CEP83: variants seen among roughly 807,000 people sequenced by gnomAD.
The protein encoded by CEP83 is centrosomal protein of 83 kDa.
In CEP83, 70 loss-of-function variants were observed where a neutral mutation model predicts 101.9. The ratio of observed to expected loss-of-function variants is 0.69; its 90% CI spans 0.57 to 0.84. The LOEUF is 0.84. Among genes scored for constraint, CEP83 ranks in the 40% least tolerant of loss-of-function variants. The pLI is 0.00. For synonymous variants in CEP83, 264 were observed against 267.9 expected, an observed-to-expected ratio of 0.99 and a Z score of 0.14; for missense variants, 715 against 787.2, an observed-to-expected ratio of 0.91 and a Z score of 1.10.
chr12:94,330,482 T>C (rs898941361), intron 14 of CEP83, among the ~76,000 whole-genome samples: 5 of 152,220 alleles, frequency 3.3e-5, no homozygotes, highest in African/African-American at 9.6e-5. Context: ...ATTTCCATGA[T>C]GCCCTGGATT....
chr12:94,375,053 G>A (rs570894413), intron 8 of CEP83, among the ~76,000 whole-genome samples: 21 of 152,148 alleles, frequency 1.4e-4, no homozygotes, highest in African/African-American at 4.3e-4. Context: ...ACTATGTGCC[G>A]GCACCATTCT....
At chr12:94,436,384 T>C (rs1217525025) in intron 1 of CEP83, among the ~76,000 whole-genome samples, 4 of 150,330 alleles carry the variant, frequency 2.7e-5, no homozygotes, top group Non-Finnish European at 5.9e-5. Flanking sequence ...ATATACATCA[T>C]AAAAAAAAGA....
intron 8 of CEP83, among the ~76,000 whole-genome samples, chr12:94,374,129 C>G (rs2061419288): frequency 6.6e-6 from 1 of 151,960 alleles, no homozygotes; most frequent in Non-Finnish European, 1.5e-5. Flanking sequence ...TAGGAGAAAT[C>G]ACCTAGGCTC....
chr12:94,353,732 GA>G (rs35963595), intron 11 of CEP83, among the ~76,000 whole-genome samples: 36,080 of 134,142 alleles, frequency 0.27, 4,436 homozygotes, highest in Admixed American at 0.32. Flanking sequence ...CGAAGTGGGG[GA>G]AAAAAAAAAA....
chr12:94,424,453 C>G (rs778011736), intron 2 of CEP83: 99 of 1,613,908 alleles, frequency 6.1e-5, no homozygotes, highest in Non-Finnish European at 8.1e-5. Flanking sequence ...CTCTGCTGGT[C>G]CCACTGGTAT....
At position 94,312,907 on chromosome 12, in the gene CEP83, A is replaced by C. The variant is rs1970090492; in HGVS notation, c.1811+7T>G. The C allele has an allele frequency of 1.4e-6, 2 of 1,460,502 alleles. No individual in the cohort carries two copies. Among genetic ancestry groups the C allele is most frequent in the Non-Finnish European group, 1.9e-6 (2 of 1,050,996 alleles). 90.5% of individuals were successfully genotyped at this position (1,460,502 alleles called of 1,614,324 possible). A position where few individuals can be genotyped will look rare whatever the true frequency, so the allele number is the denominator to read the frequency against. Reference sequence around the variant, plus strand: ...ACATGGGGAAGATACACATACAAACACATTACCTATTTAAGACCTGATTTT... The same window carrying C: ...ACATGGGGAAGATACACATACAAACCCATTACCTATTTAAGACCTGATTTT... On this transcript the variant is annotated splice_region_variant and intron_variant, in intron 15 of 16. Coordinates refer to ENST00000397809, the MANE Select transcript of CEP83 (RefSeq NM_016122.3).
chr12:94,415,437 T>C (rs1395447974), intron 2 of CEP83, among the ~76,000 whole-genome samples: 1 of 152,050 alleles, frequency 6.6e-6, no homozygotes, highest in Non-Finnish European at 1.5e-5. Context: ...GAAAAGTAAA[T>C]TGTTTATAGG....
intron 11 of CEP83, among the ~76,000 whole-genome samples, chr12:94,362,776 T>C (rs2060834712): frequency 6.6e-6 from 1 of 152,228 alleles, no homozygotes; most frequent in South Asian, 2.1e-4. Flanking sequence ...AAGCAAGATA[T>C]GGAATCAACC....
At chr12:94,451,708 A>AT (rs1169424397) in intron 1 of CEP83, among the ~76,000 whole-genome samples, 1 of 152,168 alleles carries the variant, frequency 6.6e-6, no homozygotes. Flanking sequence ...GTAGGATGTA[A>AT]TTGGTACAGC....
intron 9 of CEP83, chr12:94,369,701 A>G (rs554128633): frequency 2.6e-5 from 9 of 350,910 alleles, no homozygotes; most frequent in East Asian, 2.6e-4. Flanking sequence ...TATGTATCCA[A>G]TAACTATGAT....
At chr12:94,379,180 T>C (rs547718139) in intron 6 of CEP83, 138 bp from the exon 7 acceptor site, 10 of 704,222 alleles carry the variant, frequency 1.4e-5, no homozygotes, top group Middle Eastern at 4.0e-4. Context: ...AGGAAAAAAT[T>C]TTAAGTATCA....
intron 9 of CEP83, chr12:94,369,630 C>T (rs1281451665): frequency 4.5e-6 from 1 of 220,118 alleles, no homozygotes; most frequent in Non-Finnish European, 8.8e-6. Flanking sequence ...AATAACTACA[C>T]CATAAATAGA....
intron 6 of CEP83, among the ~76,000 whole-genome samples, chr12:94,383,986 T>G (rs530181669): frequency 6.6e-6 from 1 of 152,240 alleles, no homozygotes; most frequent in South Asian, 2.1e-4. Context: ...CCAAACAAAA[T>G]TTAGAAAATT....
chr12:94,380,937 T>A (rs2061816264), intron 6 of CEP83, among the ~76,000 whole-genome samples: 1 of 152,188 alleles, frequency 6.6e-6, no homozygotes, highest in Non-Finnish European at 1.5e-5. Flanking sequence ...AGCTAGCTGA[T>A]GACTGAAAAT....
Position 94,337,514 on chromosome 12 carries a change from A to C in CEP83, c.1344-1850T>G, listed in dbSNP as rs867609132. Among the ~76,000 whole-genome samples, 7 of 152,328 alleles carry C rather than the reference A, an allele frequency of 4.6e-5. 1 individual carries two copies. Among genetic ancestry groups the C allele is most frequent in the Non-Finnish European group, 4.4e-5 (3 of 68,024 alleles). ...AAGACTAATGGTATTAAAGTTCAAAAAGGCAGATAGTTTCAAAAGACAGTG... is the reference window on the plus strand; with the variant it reads ...AAGACTAATGGTATTAAAGTTCAAACAGGCAGATAGTTTCAAAAGACAGTG... On this transcript the variant is annotated intron_variant, in intron 11 of 16. Transcript: ENST00000397809.
At chr12:94,431,072 A>G (rs74428157) in intron 2 of CEP83, among the ~76,000 whole-genome samples, 1,668 of 152,318 alleles carry the variant, frequency 0.011, 11 homozygotes, top group Non-Finnish European at 0.018. Flanking sequence ...TAACAATTCT[A>G]AACATATATG....
chr12:94,314,509 TGTTA>T lies in CEP83; in HGVS notation c.1708-1496_1708-1493del, dbSNP rs374927128. On this transcript the variant is annotated intron_variant, in intron 14 of 16. Transcript: ENST00000397809. Reference sequence around the variant, plus strand: ...TTAATGACTTTATTTCACTCAACATTGTTAGTGAGATTTATGTTACTTACAGATA... The same window carrying T: ...TTAATGACTTTATTTCACTCAACATTGTGAGATTTATGTTACTTACAGATA... Among the ~76,000 whole-genome samples, 148 of 152,348 alleles carry T rather than the reference TGTTA, an allele frequency of 9.7e-4. 1 individual carries two copies. Among genetic ancestry groups the T allele is most frequent in the East Asian group, 6.2e-3 (32 of 5,188 alleles).
intron 16 of CEP83, among the ~76,000 whole-genome samples, chr12:94,309,653 A>G (rs1165584505): frequency 6.6e-6 from 1 of 152,212 alleles, no homozygotes; most frequent in Non-Finnish European, 1.5e-5. Flanking sequence ...CAATGACTCA[A>G]TCAAGTTTCC....
intron 1 of CEP83, among the ~76,000 whole-genome samples, chr12:94,436,077 A>T (rs1594049359): frequency 6.6e-6 from 1 of 152,202 alleles, no homozygotes; most frequent in East Asian, 1.9e-4. Flanking sequence ...AAAAAAAAAA[A>T]TCTGAACAGC....
Sources: allele counts gnomAD v4.1 joint callset (sites outside exome capture counted in the v4.1 genomes callset), GRCh38; gene constraint gnomAD v4.1.1; transcripts MANE v1.5; gene names NCBI Gene and HGNC (gene_info 2026-07-23, HGNC 2026-07-21).